The following INTS2 variants were observed in gnomAD, a reference collection of about 807,000 sequenced individuals.
The protein encoded by INTS2 is integrator complex subunit 2.
A neutral mutation model predicts 139.6 loss-of-function variants in INTS2; 57 were observed. The ratio of observed to expected loss-of-function variants is 0.41; its 90% confidence interval spans 0.33 to 0.51. INTS2 has a LOEUF of 0.51. INTS2 is among the 20% of genes least tolerant of loss of function. INTS2 has a pLI of 0.28. For synonymous variants in INTS2, 473 were observed against 493.4 expected, an observed-to-expected ratio of 0.96 and a Z score of 0.55; for missense variants, 1,196 against 1,436.7, an observed-to-expected ratio of 0.83 and a Z score of 2.71.
intron 9 of INTS2, among the ~76,000 whole-genome samples, chr17:61,898,899 C>A (rs1317726625): frequency 6.6e-6 from 1 of 152,220 alleles, no homozygotes; most frequent in Admixed American, 6.5e-5. Context: ...CAGGCCTGAG[C>A]CACCACACCC....
intron 4 of INTS2, among the ~76,000 whole-genome samples, chr17:61,920,182 T>C (rs2079624668): frequency 6.8e-6 from 1 of 146,642 alleles, no homozygotes; most frequent in African/African-American, 2.5e-5. Flanking sequence ...CTTATTTGCT[T>C]TTTTTTTTTT....
chr17:61,872,642 C>T lies in INTS2; in HGVS notation c.2583-182G>A, dbSNP rs1389865711. 6.6e-6 allele frequency among the ~76,000 whole-genome samples: 1 copy of T among 152,056 alleles called. No homozygotes were observed. Among genetic ancestry groups the T allele is most frequent in the African/African-American group, 2.4e-5 (1 of 41,424 alleles). The stretch of plus-strand genomic sequence containing the variant: ...TGTTTCTTATTCTCTGTATTTCAAG[C>T]CCTTATATAAATAGTATTACTTGTT... On this transcript the variant is annotated intron_variant, in intron 19 of 24. Transcript: ENST00000251334. The surrounding 1 kb of genome is among the most constrained non-coding windows in gnomAD (Gnocchi z 4.8).
At chr17:61,895,165 CTTT>C in intron 12 of INTS2, 147 bp downstream of exon 12, 1 of 574,072 alleles carries the variant, frequency 1.7e-6, no homozygotes, top group South Asian at 2.5e-5. Flanking sequence ...ATGGATTATT[CTTT>C]AAGAAAGTTT....
intron 2 of INTS2, among the ~76,000 whole-genome samples, chr17:61,925,571 G>C (rs572762830): frequency 1.3e-5 from 2 of 149,950 alleles, no homozygotes; most frequent in African/African-American, 2.5e-5. Context: ...GGCAAGACTC[G>C]GTCTAAAAAA....
At position 61,870,638 on chromosome 17, in the gene INTS2, A is replaced by G. The variant is rs1448436872; in HGVS notation, c.2779-650T>C. Among the ~76,000 whole-genome samples the G allele has an allele frequency of 6.6e-6, 1 of 152,238 alleles. No individual in the cohort carries two copies. Among genetic ancestry groups the G allele is most frequent in the Non-Finnish European group, 1.5e-5 (1 of 68,042 alleles). On this transcript the variant is annotated intron_variant, in intron 20 of 24. Coordinates refer to ENST00000251334, the MANE Select transcript of INTS2 (RefSeq NM_001351695.2). The surrounding 1 kb of genome is among the most constrained non-coding windows in gnomAD (Gnocchi z 4.4). ...CTCATCTAGCAGAAAGAAGTAAAAA[A>G]TAAAAATGAATACATGACATCCACC...
Position 61,882,714 on chromosome 17 carries a change from G to C in INTS2, c.2090-1543C>G, listed in dbSNP as rs546794991. ...ATTGCACTCCAGCCTGGGTGACAGA[G>C]CAAGATGCTGTCTCAAAAAAAATTA... On this transcript the variant is annotated intron_variant, in intron 16 of 24. Coordinates refer to ENST00000251334, the MANE Select transcript of INTS2 (RefSeq NM_001351695.2). This position sits in a 1 kb window ranked among gnomAD's most constrained non-coding sequence, Gnocchi z 4.7. Among the ~76,000 whole-genome samples the C allele has an allele frequency of 9.9e-4, 150 of 152,276 alleles. No individual in the cohort carries two copies. The highest frequency in any genetic ancestry group is 3.5e-3 in the African/African-American group (145 of 41,556).
intron 17 of INTS2, among the ~76,000 whole-genome samples, chr17:61,880,103 G>A (rs1231062478): frequency 6.6e-6 from 1 of 152,080 alleles, no homozygotes; most frequent in Admixed American, 6.6e-5. Flanking sequence ...GAGTGCAGTG[G>A]TGCAACCTTG....
In INTS2 at chr17:61,927,953, T is replaced by C; in HGVS notation, c.-318A>G. 1 of 1,613,930 alleles carries C rather than the reference T, an allele frequency of 6.2e-7. No individual in the cohort carries two copies. Among genetic ancestry groups the C allele is most frequent in the Non-Finnish European group, 8.5e-7 (1 of 1,179,886 alleles). ...CCAGCACCTTCATTCATCCCCAGCG[T>C]CTGACTCCCGTCGGCCACCGTACTG... On this transcript the variant is annotated 5_prime_UTR_variant, in exon 1 of 25. Transcript: ENST00000251334.
chr17:61,915,540 C>T (rs1186311435), intron 5 of INTS2, among the ~76,000 whole-genome samples: 5 of 148,252 alleles, frequency 3.4e-5, no homozygotes, highest in East Asian at 2.0e-4. Context: ...AAAAAAAGTC[C>T]GGGCGCGGTG....
chr17:61,926,650 C>T lies in INTS2; in HGVS notation c.-6G>A. On this transcript the variant is annotated 5_prime_UTR_variant, in exon 2 of 25. Coordinates refer to ENST00000251334, the MANE Select transcript of INTS2 (RefSeq NM_001351695.2). ...AGACTTGTACATTCAGTCATTATTA[C>T]TGTTTGTTGATCCTAATGGTAAAAA... 6.2e-7 allele frequency: 1 copy of T among 1,603,028 alleles called. No individual in the cohort carries two copies. The highest frequency in any genetic ancestry group is 8.5e-7 in the Non-Finnish European group (1 of 1,174,102).
Position 61,875,016 on chromosome 17 carries a change from C to A in INTS2, c.2479G>T (p.Ala827Ser). ...ACAAACTTTATTGAAGGCTGAAGTGCATTAACCGTCATTACCCATAGCCTG... is the reference window on the plus strand; with the variant it reads ...ACAAACTTTATTGAAGGCTGAAGTGAATTAACCGTCATTACCCATAGCCTG... The part of the protein sequence containing the change: ...PRRLWVMTVN[A>S]LQPSIKFVRQ... The change falls in exon 19 of 25, where the codon GCA (alanine) becomes TCA (serine). Residue 827 changes from alanine (A) to serine (S), a missense_variant. Physicochemically the swap from Ala to Ser is moderately conservative, Grantham distance 99. Coordinates refer to ENST00000251334, the MANE Select transcript of INTS2 (RefSeq NM_001351695.2). This position sits in a 1 kb window ranked among gnomAD's most constrained non-coding sequence, Gnocchi z 4.6. The A allele has an allele frequency of 6.3e-7, 1 of 1,594,758 alleles. No homozygotes were observed. The highest frequency in any genetic ancestry group is 8.6e-7 in the Non-Finnish European group (1 of 1,169,552).
In INTS2 at chr17:61,871,800, G is replaced by A. The variant is rs1007342800; in HGVS notation, c.2778+465C>T. ...AATACAAAAATTAGCCAGGTGTGGT[G>A]GCATGTGCCTGTAGTCCCAGCTACT... On this transcript the variant is annotated intron_variant, in intron 20 of 24. Coordinates refer to ENST00000251334, the MANE Select transcript of INTS2 (RefSeq NM_001351695.2). The surrounding 1 kb of genome is among the most constrained non-coding windows in gnomAD (Gnocchi z 4.9). Among the ~76,000 whole-genome samples the A allele has an allele frequency of 6.6e-6, 1 of 152,038 alleles. No homozygotes were observed. Among genetic ancestry groups the A allele is most frequent in the African/African-American group, 2.4e-5 (1 of 41,394 alleles).
intron 9 of INTS2, among the ~76,000 whole-genome samples, chr17:61,899,244 A>G (rs2079380171): frequency 6.6e-6 from 1 of 151,924 alleles, no homozygotes; most frequent in African/African-American, 2.4e-5. Context: ...GTAGCTCTCA[A>G]ATGTTAAGAA....
In INTS2 at chr17:61,871,404, G is replaced by A. The variant is rs187277791; in HGVS notation, c.2778+861C>T. ...CCCAAAGTGCTGGGATTATAGGCAT[G>A]AGCAACCATGCCTGGCCAAAAAACT... is the stretch of plus-strand genomic sequence containing the variant. On this transcript the variant is annotated intron_variant, in intron 20 of 24. Transcript: ENST00000251334. This position sits in a 1 kb window ranked among gnomAD's most constrained non-coding sequence, Gnocchi z 4.9. Among the ~76,000 whole-genome samples the A allele has an allele frequency of 6.6e-6, 1 of 152,258 alleles. No homozygotes were observed. The highest frequency in any genetic ancestry group is 2.4e-5 in the African/African-American group (1 of 41,562).
chr17:61,886,215 T>A (rs1338808970), intron 15 of INTS2, among the ~76,000 whole-genome samples: 1 of 152,138 alleles, frequency 6.6e-6, no homozygotes, highest in Admixed American at 6.6e-5. Context: ...CACGCCTAGC[T>A]AATGTTTGCA....
rs778948771 is a variant in INTS2, at chr17:61,874,988, C to T, written c.2507G>A (p.Arg836Gln). 25 of 1,597,142 alleles carry T rather than the reference C, an allele frequency of 1.6e-5. No individual in the cohort carries two copies. The highest frequency in any genetic ancestry group is 2.0e-5 in the Non-Finnish European group (23 of 1,170,604). The change falls in exon 19 of 25, where the codon CGA becomes CAA. Residue 836 changes from arginine to glutamine, a missense_variant. By Grantham distance (43) the Arg-to-Gln change is conservative. Transcript: ENST00000251334. ...NALQPSIKFV[R>Q]QQKYTQNDLM... ...GTCATTCTGAGTATACTTTTGTTGT[C>T]GTACAAACTTTATTGAAGGCTGAAG...
At chr17:61,925,239 T>G in intron 2 of INTS2, 140 bp from the exon 3 acceptor site, 2 of 827,590 alleles carry the variant, frequency 2.4e-6, no homozygotes, top group South Asian at 3.4e-5. Flanking sequence ...AAATGCTATT[T>G]AGTTTGCCTG....
intron 3 of INTS2, 56 bp downstream of exon 3, chr17:61,924,905 C>T (rs2079692906): frequency 3.9e-6 from 6 of 1,546,302 alleles, no homozygotes; most frequent in Non-Finnish European, 5.3e-6. Flanking sequence ...TGTCTACCTC[C>T]CTATACATAG....
rs1159808192 is a variant in INTS2, at chr17:61,919,433, A to G, written c.616T>C (p.Leu206=). The G allele has an allele frequency of 1.3e-6, 2 of 1,596,070 alleles. No individual in the cohort carries two copies. The highest frequency in any genetic ancestry group is 1.1e-5 in the South Asian group (1 of 88,204). ...AAACTATCAGGAACATTGGCCACCA[A>G]GAGACACAAGAACCAGGCACCATTT... The part of the protein sequence containing the change: ...VRNGAWFLCL[L]VANVPDSFNE... The change falls in exon 5 of 25, where the codon TTG becomes CTG. Residue 206 remains leucine, a synonymous_variant. Transcript: ENST00000251334.
Sources: allele counts gnomAD v4.1 joint callset (sites outside exome capture counted in the v4.1 genomes callset), GRCh38; gene constraint gnomAD v4.1.1; non-coding constraint Gnocchi (gnomAD v3.1); transcripts MANE v1.5; gene names NCBI Gene and HGNC (gene_info 2026-07-23, HGNC 2026-07-21).